The following SMOC1 variants were observed in gnomAD, a reference collection of about 807,000 sequenced individuals.
SMOC1 encodes the protein SPARC-related modular calcium-binding protein 1.
SMOC1 carries 22 observed loss-of-function variants against 56.3 expected under a neutral mutation model. The observed-to-expected ratio is 0.39, with a 90% CI of 0.28 to 0.56. The LOEUF (loss-of-function observed/expected upper bound fraction) is 0.56. Ranked by LOEUF, SMOC1 falls within the 20% of genes least tolerant of loss-of-function variation. The probability of loss-of-function intolerance (pLI) is 0.61; values close to 1 mark genes in which losing one functional copy is unlikely to be tolerated. For synonymous variants in SMOC1, 193 were observed against 215.0 expected (o/e 0.90, Z 0.89); for missense variants, 509 against 565.4 (o/e 0.90, Z 1.01).
At chr14:70,004,009 C>T (rs1483251960) in intron 7 of SMOC1, among the ~76,000 whole-genome samples, 1 of 152,064 alleles carries the variant, frequency 6.6e-6, no homozygotes, top group Non-Finnish European at 1.5e-5. Context: ...TACTCAGGAT[C>T]CTGCTTTAGG....
chr14:69,975,587 A>C (rs1883917726), intron 3 of SMOC1, 128 bp from the exon 4 acceptor site: 1 of 749,210 alleles, frequency 1.3e-6, no homozygotes. Flanking sequence ...CTCTGGAGAC[A>C]GATGTGGGGA....
At chr14:69,966,059 G>C (rs1327199502) in intron 3 of SMOC1, among the ~76,000 whole-genome samples, 4 of 152,056 alleles carry the variant, frequency 2.6e-5, no homozygotes, top group South Asian at 4.2e-4. Context: ...ACAAGGAAAG[G>C]CTCCACTCCT....
chr14:70,022,533 C>T (rs61977405), intron 10 of SMOC1, among the ~76,000 whole-genome samples: 2 of 152,110 alleles, frequency 1.3e-5, no homozygotes, highest in Non-Finnish European at 2.9e-5. Flanking sequence ...CAGTAGGTCC[C>T]GGCTTTTCCA....
At chr14:69,997,944 A>G (rs1043340935) in intron 7 of SMOC1, among the ~76,000 whole-genome samples, 2 of 152,096 alleles carry the variant, frequency 1.3e-5, no homozygotes, top group Non-Finnish European at 1.5e-5. Context: ...TCAGAGGCAA[A>G]AAGGCTATCC....
At chr14:69,940,553 ATG>A (rs1882512322) in intron 1 of SMOC1, among the ~76,000 whole-genome samples, 1 of 152,124 alleles carries the variant, frequency 6.6e-6, no homozygotes, top group Non-Finnish European at 1.5e-5. Flanking sequence ...TTCCTATCAG[ATG>A]TGTGTGTCAT....
chr14:69,986,343 T>C (rs1884365168), intron 5 of SMOC1, among the ~76,000 whole-genome samples: 1 of 151,574 alleles, frequency 6.6e-6, no homozygotes, highest in African/African-American at 2.4e-5. Context: ...TGGTGGTGGT[T>C]ACCTGAGTCT....
chr14:69,955,646 A>G (rs1477051843), intron 3 of SMOC1, among the ~76,000 whole-genome samples: 1 of 152,072 alleles, frequency 6.6e-6, no homozygotes, highest in African/African-American at 2.4e-5. Flanking sequence ...TAGTTCTACT[A>G]CTGAAATCTT....
chr14:70,025,984 C>T (rs1015066077), intron 11 of SMOC1, among the ~76,000 whole-genome samples: 1 of 152,214 alleles, frequency 6.6e-6, no homozygotes. Context: ...TGAACTTACA[C>T]TGTGTTGCAG....
intron 5 of SMOC1, among the ~76,000 whole-genome samples, chr14:69,992,208 C>T (rs1038198524): frequency 6.6e-6 from 1 of 152,222 alleles, no homozygotes; most frequent in Non-Finnish European, 1.5e-5. Context: ...ATGGTGAACA[C>T]ACACCTGGAT....
chr14:69,948,680 T>C (rs1040854999), intron 1 of SMOC1, among the ~76,000 whole-genome samples: 7 of 152,184 alleles, frequency 4.6e-5, no homozygotes, highest in Admixed American at 1.3e-4. Flanking sequence ...CCCTCTTTTT[T>C]CTGTGTGTTC....
Position 69,978,147 on chromosome 14 carries a change from T to C in SMOC1, c.526+182T>C, listed in dbSNP as rs534924581. On this transcript the variant is annotated intron_variant, in intron 5 of 11. Transcript: ENST00000361956. ...GAGGTAAGTAAGGCTCATACAGTGA[T>C]GGACACCAAGCTCCCAGATTTCCCA... is the stretch of plus-strand genomic sequence containing the variant. 3.7e-4 allele frequency: 244 copies of C among 659,538 alleles called. 6 individuals carry two copies. The South Asian group carries it at 4.0e-3, about 11-fold the overall frequency. 40.9% of individuals were successfully genotyped at this position (659,538 alleles called of 1,614,324 possible).
intron 1 of SMOC1, among the ~76,000 whole-genome samples, chr14:69,941,040 G>A (rs1326155327): frequency 3.3e-5 from 5 of 152,156 alleles, no homozygotes; most frequent in Non-Finnish European, 7.3e-5. Flanking sequence ...AACCTAAAGG[G>A]CATTTAAGTT....
intron 3 of SMOC1, among the ~76,000 whole-genome samples, chr14:69,956,599 G>C (rs1386564331): frequency 1.3e-5 from 2 of 152,070 alleles, no homozygotes; most frequent in East Asian, 1.9e-4. Flanking sequence ...TGAAGTTTAT[G>C]GGGGGAGTGA....
chr14:69,933,039 G>A (rs1468875421), intron 1 of SMOC1, among the ~76,000 whole-genome samples: 1 of 152,090 alleles, frequency 6.6e-6, no homozygotes, highest in Non-Finnish European at 1.5e-5. Context: ...AGTATACTTA[G>A]GGTGACATAC....
chr14:69,983,444 T>C (rs1472786644), intron 5 of SMOC1, among the ~76,000 whole-genome samples: 2 of 152,212 alleles, frequency 1.3e-5, no homozygotes, highest in Non-Finnish European at 2.9e-5. Flanking sequence ...TAATTGTTCT[T>C]AGCCTTTTAT....
intron 5 of SMOC1, among the ~76,000 whole-genome samples, chr14:69,986,026 G>C (rs1485304701): frequency 6.6e-6 from 1 of 152,146 alleles, no homozygotes; most frequent in Admixed American, 6.5e-5. Context: ...TGTGAGTAAG[G>C]TGGGATCCCC....
chr14:69,885,384 G>C, intron 1 of SMOC1: 2 of 1,597,812 alleles, frequency 1.3e-6, no homozygotes, highest in Non-Finnish European at 1.7e-6. Flanking sequence ...GCCTTTTTGC[G>C]CTTGGCGATA....
In SMOC1 at chr14:69,886,019, A is replaced by G. The variant is rs1018975619; in HGVS notation, c.99+6242A>G. On this transcript the variant is annotated intron_variant, in intron 1 of 11. Transcript: ENST00000361956. ...TCTTTTGGGCTGGATGTCCTGTCCA[A>G]TGCCAAAATTCTTAGGCCTTTTCTC... is the stretch of plus-strand genomic sequence containing the variant. 5.3e-5 allele frequency: 84 copies of G among 1,585,206 alleles called. No homozygotes were observed. In the African/African-American group the frequency reaches 6.7e-4, roughly 13 times the overall value.
At chr14:69,996,196 G>A (rs188531695) in intron 7 of SMOC1, among the ~76,000 whole-genome samples, 14 of 152,310 alleles carry the variant, frequency 9.2e-5, no homozygotes, top group Admixed American at 9.1e-4. Flanking sequence ...GGGAACGATG[G>A]AGGAGAAAAG....
Sources: gnomAD v4.1 joint callset for allele counts (sites outside exome capture counted in the v4.1 genomes callset) on GRCh38, gnomAD v4.1.1 for gene constraint, MANE v1.5 for transcripts, NCBI Gene and HGNC (gene_info 2026-07-23, HGNC 2026-07-21) for gene names.